MARCHF11: variants seen among roughly 807,000 people sequenced by gnomAD.
MARCHF11 encodes the protein membrane associated ring-CH-type finger 11.
A neutral mutation model predicts 37.3 loss-of-function variants in MARCHF11; 29 were observed. That is an observed-to-expected ratio of 0.78 (90% CI 0.58 to 1.06). The LOEUF (loss-of-function observed/expected upper bound fraction) is 1.06. MARCHF11 is among the 50% of genes least tolerant of loss of function. The pLI, the probability that MARCHF11 is intolerant of heterozygous loss-of-function variation, is 0.00. For synonymous variants in MARCHF11, 233 were observed against 228.0 expected, an observed-to-expected ratio of 1.02 and a Z score of -0.20; for missense variants, 482 against 533.4, an observed-to-expected ratio of 0.90 and a Z score of 0.95.
chr5:16,150,972 C>T (rs76836761), intron 2 of MARCHF11, among the ~76,000 whole-genome samples: 3,724 of 152,124 alleles, frequency 0.024, 117 homozygotes, highest in African/African-American at 0.064. Context: ...CTTCCCACTG[C>T]ATGAGCCCCT....
chr5:16,087,747 GA>G (rs986762984), intron 3 of MARCHF11, among the ~76,000 whole-genome samples: 1 of 152,102 alleles, frequency 6.6e-6, no homozygotes, highest in Admixed American at 6.5e-5. Flanking sequence ...TATTGGGAAA[GA>G]AGAAACTGTA....
intron 2 of MARCHF11, among the ~76,000 whole-genome samples, chr5:16,173,993 T>G (rs1560996274): frequency 6.6e-6 from 1 of 152,222 alleles, no homozygotes; most frequent in East Asian, 1.9e-4. Context: ...GTTTAGGCAG[T>G]ACAGTCTGTC....
chr5:16,115,641 T>G (rs1315653728), intron 2 of MARCHF11, among the ~76,000 whole-genome samples: 2 of 152,098 alleles, frequency 1.3e-5, no homozygotes, highest in Non-Finnish European at 2.9e-5. Context: ...TTTTTTTTTT[T>G]TTTGAGATGG....
chr5:16,089,112 C>T lies in MARCHF11; in HGVS notation c.886+1777G>A, dbSNP rs533116071. Among the ~76,000 whole-genome samples, 7 of 150,854 alleles carry T rather than the reference C, an allele frequency of 4.6e-5. No individual in the cohort carries two copies. In the East Asian group the frequency reaches 1.4e-3, roughly 29 times the overall value. ...AAGTTCTGAAATTAAAAAAAAAAAT[C>T]ATTTCCTGACCAGGAAATGCATGGT... On this transcript the variant is annotated intron_variant, in intron 3 of 3. Transcript: ENST00000332432.
chr5:16,119,069 T>C lies in MARCHF11; in HGVS notation c.694-27988A>G, dbSNP rs116692898. 9.9e-3 allele frequency among the ~76,000 whole-genome samples: 1,496 copies of C among 151,426 alleles called. 12 individuals carry two copies. The highest frequency in any genetic ancestry group is 0.027 in the Middle Eastern group (8 of 294). ...TCCAATAGCGAGAGACACTTAAGAG[T>C]CAAGGAAGAGTGACAGGGCGCAGTG... On this transcript the variant is annotated intron_variant, in intron 2 of 3. Coordinates refer to ENST00000332432, the MANE Select transcript of MARCHF11 (RefSeq NM_001102562.3).
chr5:16,087,683 C>T (rs1272494849), intron 3 of MARCHF11, among the ~76,000 whole-genome samples: 7 of 151,894 alleles, frequency 4.6e-5, no homozygotes, highest in African/African-American at 1.2e-4. Flanking sequence ...ACTATGATAG[C>T]GGCTAGACCC....
chr5:16,172,336 C>T (rs554662538), intron 2 of MARCHF11, among the ~76,000 whole-genome samples: 7 of 152,180 alleles, frequency 4.6e-5, no homozygotes, highest in African/African-American at 1.7e-4. Context: ...CGTGATGTGC[C>T]GCTCATTTTG....
chr5:16,148,129 A>G (rs755365470), intron 2 of MARCHF11, among the ~76,000 whole-genome samples: 18 of 152,226 alleles, frequency 1.2e-4, no homozygotes, highest in Non-Finnish European at 2.5e-4. Flanking sequence ...AGTGCAATCT[A>G]TAACTTTCAA....
At chr5:16,169,386 A>C (rs1203023232) in intron 2 of MARCHF11, among the ~76,000 whole-genome samples, 2 of 152,120 alleles carry the variant, frequency 1.3e-5, no homozygotes, top group Non-Finnish European at 2.9e-5. Context: ...CTCTATCGTT[A>C]TAAGGAAGGG....
rs1560964973 is a variant in MARCHF11 at position 16,067,623 on chromosome 5, T to C, written c.1057A>G (p.Asn353Asp). Residue 353 changes from asparagine to aspartate, a missense_variant, in exon 4 of 4, where the codon AAC (asparagine) becomes GAC (aspartate). Asn to Asp is a conservative substitution (Grantham distance 23). Transcript: ENST00000332432. The part of the protein sequence containing the change: ...TLWLPLTALR[N>D]RNLVHPTQLT... ...TGAGTTGGGTGGACCAAGTTTCTGT[T>C]CCGCAGAGCTGTCAATGGCAACCAC... The C allele has an allele frequency of 1.9e-6, 3 of 1,613,968 alleles. No homozygotes were observed. The East Asian group carries it at 6.7e-5, about 36-fold the overall frequency.
At chr5:16,169,336 GA>G (rs5866174) in intron 2 of MARCHF11, among the ~76,000 whole-genome samples, 74,678 of 151,660 alleles carry the variant, frequency 0.49, 19,557 homozygotes, top group Middle Eastern at 0.58. Context: ...ATACCGAAAA[GA>G]GAAGAAAAAC....
intron 2 of MARCHF11, among the ~76,000 whole-genome samples, chr5:16,107,059 C>T (rs1197072270): frequency 1.3e-5 from 2 of 152,170 alleles, no homozygotes; most frequent in East Asian, 1.9e-4. Context: ...AGGTGTGTTA[C>T]GAAGCTGCAC....
intron 3 of MARCHF11, among the ~76,000 whole-genome samples, chr5:16,076,609 T>C (rs953081766): frequency 6.6e-6 from 1 of 152,156 alleles, no homozygotes; most frequent in Non-Finnish European, 1.5e-5. Context: ...GGTAAGAACA[T>C]CAAGAGCCTG....
rs116097989 is a variant in MARCHF11, at chr5:16,147,971, T to C, written c.693+29755A>G. ...GACTGCTTGTTCATGGTTCATACAA[T>C]TGTATATTCCAGAGAATATCTATGT... On this transcript the variant is annotated intron_variant, in intron 2 of 3. Coordinates refer to ENST00000332432, the MANE Select transcript of MARCHF11 (RefSeq NM_001102562.3). Among the ~76,000 whole-genome samples, 839 of 152,246 alleles carry C rather than the reference T, an allele frequency of 5.5e-3. 12 individuals are homozygous for C. The highest frequency in any genetic ancestry group is 0.017 in the African/African-American group (721 of 41,566).
chr5:16,170,153 T>C (rs750673246), intron 2 of MARCHF11, among the ~76,000 whole-genome samples: 1 of 152,152 alleles, frequency 6.6e-6, no homozygotes, highest in South Asian at 2.1e-4. Context: ...CAAAAATTTA[T>C]ATCCAGTAGA....
Position 16,126,905 on chromosome 5 carries a change from G to C in MARCHF11, c.694-35824C>G, listed in dbSNP as rs189444201. On this transcript the variant is annotated intron_variant, in intron 2 of 3. Coordinates refer to ENST00000332432, the MANE Select transcript of MARCHF11 (RefSeq NM_001102562.3). ...TTAGAAGAAGTCAAATTAACAACTT[G>C]ATTCAGGCATTAAAAATTGGGGGAA... 3.0e-3 allele frequency among the ~76,000 whole-genome samples: 452 copies of C among 152,248 alleles called. 6 individuals are homozygous for C. Among genetic ancestry groups the C allele is most frequent in the African/African-American group, 9.8e-3 (409 of 41,540 alleles).
At chr5:16,101,611 T>G (rs1298884114) in intron 2 of MARCHF11, among the ~76,000 whole-genome samples, 26 of 152,196 alleles carry the variant, frequency 1.7e-4, no homozygotes, top group Admixed American at 1.7e-3. Context: ...CTCTCAATAT[T>G]CAGTATTAAT....
At chr5:16,114,026 T>C (rs1162412339) in intron 2 of MARCHF11, among the ~76,000 whole-genome samples, 2 of 151,190 alleles carry the variant, frequency 1.3e-5, no homozygotes, top group Non-Finnish European at 2.9e-5. Context: ...CTCCCCCATA[T>C]GATTGCGAAA....
At chr5:16,115,170 G>A (rs1737209831) in intron 2 of MARCHF11, among the ~76,000 whole-genome samples, 1 of 152,206 alleles carries the variant, frequency 6.6e-6, no homozygotes, top group Non-Finnish European at 1.5e-5. Flanking sequence ...AACTTAAAAT[G>A]AAGTATCGAG....
Sources: allele counts gnomAD v4.1 joint callset (sites outside exome capture counted in the v4.1 genomes callset), GRCh38; gene constraint gnomAD v4.1.1; transcripts MANE v1.5; gene names NCBI Gene and HGNC (gene_info 2026-07-23, HGNC 2026-07-21).